TULP4: variants seen among roughly 807,000 people sequenced by gnomAD.
TULP4 encodes the protein tubby-related protein 4.
Under a neutral mutation model 129.0 loss-of-function variants are expected in TULP4, and 16 were observed. The ratio of observed to expected loss-of-function variants is 0.12; its 90% CI spans 0.08 to 0.19. The LOEUF (loss-of-function observed/expected upper bound fraction) is 0.19, where lower values mean the gene tolerates loss of function less well. Ranked by LOEUF, TULP4 falls within the 10% of genes least tolerant of loss-of-function variation. TULP4 has a pLI of 1.00. For synonymous variants in TULP4, 998 were observed against 854.0 expected (o/e 1.17, Z -2.94); for missense variants, 1,842 against 2,059.1 (o/e 0.89, Z 2.04).
At chr6:158,355,234 T>C (rs1780618668) in intron 1 of TULP4, among the ~76,000 whole-genome samples, 2 of 152,042 alleles carry the variant, frequency 1.3e-5, no homozygotes, top group Admixed American at 6.5e-5. Flanking sequence ...CCAGCTACTG[T>C]CCCATGCCCA....
At chr6:158,489,780 T>G (rs747644582) in intron 9 of TULP4, 48 bp downstream of exon 9, 1 of 1,607,846 alleles carries the variant, frequency 6.2e-7, no homozygotes, top group Non-Finnish European at 8.5e-7. Flanking sequence ...CCTCTGAATA[T>G]GTGTGTTTGT....
Position 158,344,350 on chromosome 6 carries a change from A to G in TULP4, c.252+30082A>G, listed in dbSNP as rs540189681. The stretch of plus-strand genomic sequence containing the variant: ...CTCTCTTCACACAGACGTGTGAGAC[A>G]GCGGACTTTGTTTTACTGAGCTTCC... On this transcript the variant is annotated intron_variant, in intron 1 of 13. Coordinates refer to ENST00000367097, the MANE Select transcript of TULP4 (RefSeq NM_020245.5). Among the ~76,000 whole-genome samples the G allele has an allele frequency of 2.6e-5, 4 of 152,342 alleles. No individual in the cohort carries two copies. In the East Asian group the frequency reaches 7.7e-4, roughly 29 times the overall value.
At chr6:158,353,349 T>C (rs1780571810) in intron 1 of TULP4, among the ~76,000 whole-genome samples, 1 of 152,224 alleles carries the variant, frequency 6.6e-6, no homozygotes, top group Admixed American at 6.5e-5. Flanking sequence ...AAATTTTCTT[T>C]AAATAGATTG....
intron 6 of TULP4, among the ~76,000 whole-genome samples, chr6:158,463,863 T>C (rs1484912760): frequency 4.6e-5 from 7 of 152,134 alleles, no homozygotes; most frequent in Admixed American, 2.6e-4. Flanking sequence ...ATTTATCGTC[T>C]TAACCATTTT....
At chr6:158,331,796 C>T (rs1251394565) in intron 1 of TULP4, among the ~76,000 whole-genome samples, 8 of 118,080 alleles carry the variant, frequency 6.8e-5, no homozygotes, top group African/African-American at 1.2e-4. Flanking sequence ...CACATACCTA[C>T]ATACACACAT....
intron 1 of TULP4, among the ~76,000 whole-genome samples, chr6:158,406,626 C>T (rs1444460408): frequency 6.6e-6 from 1 of 152,220 alleles, no homozygotes; most frequent in Middle Eastern, 3.4e-3. Flanking sequence ...TTCCTCCAGA[C>T]CGTAATTATA....
In TULP4 at chr6:158,304,367, G is replaced by A. The variant is rs116654957; in HGVS notation, n.117-7684G>A. Among the ~76,000 whole-genome samples the A allele has an allele frequency of 7.4e-4, 112 of 152,252 alleles. 1 individual carries two copies. The highest frequency in any genetic ancestry group is 2.6e-3 in the African/African-American group (110 of 41,556). ...TGAGATTCTAATATCCTAAAAGCAG[G>A]TATGGGTTTTGTACTGATATACAGG... On this transcript the variant is annotated intron_variant and non_coding_transcript_variant, in intron 1 of 1. Coordinates refer to the TULP4 transcript ENST00000432358.
intron 1 of TULP4, among the ~76,000 whole-genome samples, chr6:158,316,910 A>G (rs922613014): frequency 1.3e-5 from 2 of 152,206 alleles, no homozygotes; most frequent in Non-Finnish European, 2.9e-5. Flanking sequence ...CCCTCTCCAC[A>G]GCATGCAGTT....
rs1778186880 is a variant in TULP4 at position 158,415,472 on chromosome 6, C to T, written c.381+2279C>T. On this transcript the variant is annotated intron_variant, in intron 2 of 13. Transcript: ENST00000367097. ...TCACGCCATTCTCCTGCTTCAGCCTCCTGAGTAGCTGGGACTACAGACACC... is the reference window on the plus strand; with the variant it reads ...TCACGCCATTCTCCTGCTTCAGCCTTCTGAGTAGCTGGGACTACAGACACC... Among the ~76,000 whole-genome samples the T allele has an allele frequency of 2.0e-5, 3 of 151,058 alleles. No individual in the cohort carries two copies. In the South Asian group the frequency reaches 6.3e-4, roughly 32 times the overall value.
chr6:158,364,956 C>T (rs1033476687), intron 1 of TULP4, among the ~76,000 whole-genome samples: 9 of 151,878 alleles, frequency 5.9e-5, no homozygotes, highest in Non-Finnish European at 8.8e-5. Context: ...AGGATGGTCT[C>T]GATCTCCTGA....
chr6:158,340,290 G>A (rs528855743), intron 1 of TULP4, among the ~76,000 whole-genome samples: 1 of 152,314 alleles, frequency 6.6e-6, no homozygotes, highest in South Asian at 2.1e-4. Flanking sequence ...CATGCAAATT[G>A]TAGGACCACT....
chr6:158,409,643 G>A (rs1778048173), intron 1 of TULP4, among the ~76,000 whole-genome samples: 1 of 152,198 alleles, frequency 6.6e-6, no homozygotes. Flanking sequence ...GCTACTGGGA[G>A]ATAAGGCTGC....
chr6:158,409,260 A>G (rs1583845271), intron 1 of TULP4, among the ~76,000 whole-genome samples: 2 of 152,144 alleles, frequency 1.3e-5, no homozygotes, highest in Non-Finnish European at 2.9e-5. Flanking sequence ...TAATAACTTC[A>G]CTGATAATAG....
chr6:158,293,275 AG>A (rs1329851815), intron 1 of TULP4, among the ~76,000 whole-genome samples: 2 of 152,338 alleles, frequency 1.3e-5, no homozygotes, highest in Middle Eastern at 3.4e-3. Context: ...TTTTGCTCAC[AG>A]GGCTGAAATG....
intron 1 of TULP4, among the ~76,000 whole-genome samples, chr6:158,384,361 C>A (rs886455271): frequency 2.0e-5 from 3 of 151,342 alleles, no homozygotes; most frequent in Non-Finnish European, 4.4e-5. Flanking sequence ...TATTTCAGCT[C>A]ACTGCAAGCT....
rs557678837 is a variant in TULP4, at chr6:158,427,471, C to CTTTTTTTTTTTTTTTTTTTTTTTTT, written c.382-2248_382-2224dup. On this transcript the variant is annotated intron_variant, in intron 2 of 13. Transcript: ENST00000367097. ...AAATTCCTTTTCAAAATTATCAGAC[C>CTTTTTTTTTTTTTTTTTTTTTTTTT]TTTTTTTTTTTTTTTTTTTTTTTTT... Among the ~76,000 whole-genome samples, 6 of 74,136 alleles carry CTTTTTTTTTTTTTTTTTTTTTTTTT rather than the reference C, an allele frequency of 8.1e-5. 1 individual carries two copies. The highest frequency in any genetic ancestry group is 1.8e-4 in the Admixed American group (1 of 5,548). The allele number at this position is 74,136 out of a possible 152,430, so 48.6% of individuals were successfully genotyped here.
intron 9 of TULP4, among the ~76,000 whole-genome samples, chr6:158,492,304 C>T (rs898932328): frequency 6.6e-6 from 1 of 152,218 alleles, no homozygotes; most frequent in African/African-American, 2.4e-5. Flanking sequence ...AGCCTTTCTT[C>T]AGTTCTCTTC....
In TULP4 at chr6:158,413,188, G is replaced by A; in HGVS notation, c.376G>A (p.Ala126Thr). Residue 126 changes from alanine to threonine, a missense_variant, in exon 2 of 14, where the codon GCG becomes ACG. Transcript: ENST00000367097. This position sits in a 1 kb window ranked among gnomAD's most constrained non-coding sequence, Gnocchi z 4.9. ...TGTGGAGCTGGTCAACGACCGCGGG[G>A]CGCAGGTGAGTGGCAGGCGCAGCTC... ...WSVELVNDRG[A>T]QVSDFTWSHD... 3 of 1,611,628 alleles carry A rather than the reference G, an allele frequency of 1.9e-6. No individual in the cohort carries two copies. The highest frequency in any genetic ancestry group is 1.7e-6 in the Non-Finnish European group (2 of 1,178,136).
chr6:158,493,447 C>T lies in TULP4; in HGVS notation c.1632-126C>T, dbSNP rs1392025409. On this transcript the variant is annotated intron_variant, in intron 9 of 13. Transcript: ENST00000367097. The surrounding 1 kb of genome is among the most constrained non-coding windows in gnomAD (Gnocchi z 4.4). ...GGGAGAGCTTTGTTAAATTCGGGCA[C>T]TGGCTGCAGGGTGAGAACCCAACAC... is the stretch of plus-strand genomic sequence containing the variant. The T allele has an allele frequency of 1.9e-6, 2 of 1,035,568 alleles. No homozygotes were observed. The highest frequency in any genetic ancestry group is 3.3e-5 in the African/African-American group (2 of 60,762). The allele number at this position is 1,035,568 out of a possible 1,614,324, so 64.1% of individuals were successfully genotyped here. A position where few individuals can be genotyped will look rare whatever the true frequency, so the allele number is the denominator to read the frequency against.
Sources: allele counts gnomAD v4.1 joint callset (sites outside exome capture counted in the v4.1 genomes callset), GRCh38; gene constraint gnomAD v4.1.1; non-coding constraint Gnocchi (gnomAD v3.1); transcripts MANE v1.5; gene names NCBI Gene and HGNC (gene_info 2026-07-23, HGNC 2026-07-21).